ZNF460: variants seen among roughly 807,000 people sequenced by gnomAD.
The protein encoded by ZNF460 is zinc finger protein 460.
A neutral mutation model predicts 8.4 loss-of-function variants in ZNF460; 1 was observed. That is an observed-to-expected ratio of 0.12 (90% confidence interval 0.04 to 0.56). The LOEUF is 0.56. Ranked by LOEUF, ZNF460 falls within the 20% of genes least tolerant of loss-of-function variation. The probability of loss-of-function intolerance (pLI) is 0.91; values close to 1 mark genes in which losing one functional copy is unlikely to be tolerated. For missense variants in ZNF460, 477 were observed against 714.8 expected (o/e 0.67, Z 3.79); for synonymous variants, 262 against 259.9 (o/e 1.01, Z -0.08).
At chr19:57,283,319 A>G (rs1200338092) in intron 1 of ZNF460, among the ~76,000 whole-genome samples, 3 of 150,962 alleles carry the variant, frequency 2.0e-5, no homozygotes, top group Non-Finnish European at 4.4e-5. Flanking sequence ...ACAGGCACAC[A>G]CTACCACACC....
chr19:57,290,204 G>C (rs899907536), intron 2 of ZNF460, among the ~76,000 whole-genome samples: 2 of 152,172 alleles, frequency 1.3e-5, no homozygotes, highest in East Asian at 3.9e-4. Flanking sequence ...TACCTTGGAA[G>C]CTGAGGTGGG....
rs2087916864 is a variant in ZNF460, at chr19:57,291,372, G to A, written c.831G>A (p.Glu277=). The part of the protein sequence containing the change: ...LTRHQRVHSG[E]KPFVCNECGK... ...GGCACCAGCGGGTTCACAGTGGAGA[G>A]AAGCCTTTTGTGTGCAATGAATGTG... The change falls in exon 3 of 3, where the codon GAG becomes GAA. Residue 277 remains glutamate (E), a synonymous_variant. Coordinates refer to ENST00000360338, the MANE Select transcript of ZNF460 (RefSeq NM_006635.4). This position sits in a 1 kb window ranked among gnomAD's most constrained non-coding sequence, Gnocchi z 8.4. The A allele has an allele frequency of 1.2e-5, 19 of 1,614,018 alleles. No individual in the cohort carries two copies. The highest frequency in any genetic ancestry group is 1.6e-5 in the Non-Finnish European group (19 of 1,179,994).
chr19:57,290,747 C>A lies in ZNF460; in HGVS notation c.206C>A (p.Ala69Asp). ...GTAGAGCCTATCCCTTCTCATCTGG[C>A]CTTGCCTGAGGAAGTCTCACTCCAG... ...ETVEPIPSHL[A>D]LPEEVSLQEQ... Residue 69 changes from alanine to aspartate, a missense_variant, in exon 3 of 3, where the codon GCC becomes GAC. Ala to Asp is a moderately radical substitution (Grantham distance 126). Coordinates refer to ENST00000360338, the MANE Select transcript of ZNF460 (RefSeq NM_006635.4). 1 of 1,614,210 alleles carries A rather than the reference C, an allele frequency of 6.2e-7. No homozygotes were observed. Among genetic ancestry groups the A allele is most frequent in the South Asian group, 1.1e-5 (1 of 91,092 alleles).
intron 2 of ZNF460, among the ~76,000 whole-genome samples, chr19:57,288,485 G>A (rs775939194): frequency 2.6e-5 from 4 of 152,134 alleles, no homozygotes; most frequent in Non-Finnish European, 4.4e-5. Flanking sequence ...ATGAGCCACC[G>A]TGCCCAGCCA....
chr19:57,290,624 G>A, intron 2 of ZNF460, 75 bp from the exon 3 acceptor site: 1 of 1,356,308 alleles, frequency 7.4e-7, no homozygotes, highest in East Asian at 2.3e-5. Flanking sequence ...TCATCTTATT[G>A]TTCTCACCAA....
chr19:57,282,331 C>A (rs184976105), intron 1 of ZNF460, among the ~76,000 whole-genome samples: 3 of 152,182 alleles, frequency 2.0e-5, no homozygotes, highest in Non-Finnish European at 4.4e-5. Flanking sequence ...CCCATATTGT[C>A]TTGGCTACAA....
chr19:57,283,035 A>AC (rs960261482), intron 1 of ZNF460, among the ~76,000 whole-genome samples: 1 of 151,476 alleles, frequency 6.6e-6, no homozygotes, highest in African/African-American at 2.4e-5. Context: ...CTTTGGGTAG[A>AC]CTGGTAGAGC....
rs1365523335 is a variant in ZNF460 at position 57,280,702 on chromosome 19, A to AT, written c.-98dup. ...ACGCTGCGCCTTGGGCCTTGTGCGC[A>AT]TTTTTTTCGGGGGAAAACTGAGGCT... On this transcript the variant is annotated 5_prime_UTR_variant, in exon 1 of 3. Coordinates refer to ENST00000360338, the MANE Select transcript of ZNF460 (RefSeq NM_006635.4). 1.0e-5 allele frequency: 16 copies of AT among 1,526,730 alleles called. No homozygotes were observed. Among genetic ancestry groups the AT allele is most frequent in the Non-Finnish European group, 1.2e-5 (14 of 1,123,710 alleles). 94.6% of individuals were successfully genotyped at this position (1,526,730 alleles called of 1,614,324 possible). A position where few individuals can be genotyped will look rare whatever the true frequency, so the allele number is the denominator to read the frequency against.
Position 57,280,600 on chromosome 19 carries a change from T to G in ZNF460, c.-207T>G. The G allele has an allele frequency of 4.8e-6, 3 of 627,648 alleles. No individual in the cohort carries two copies. The South Asian group carries it at 5.9e-5, about 12-fold the overall frequency. 38.9% of individuals were successfully genotyped at this position (627,648 alleles called of 1,614,324 possible). On this transcript the variant is annotated 5_prime_UTR_variant, in exon 1 of 3. Coordinates refer to ENST00000360338, the MANE Select transcript of ZNF460 (RefSeq NM_006635.4). ...CTTGGCGGGAGCCTGACGCCCCGCT[T>G]CTCCCCTAACGAGGTGTCCCACCGG...
At position 57,292,258 on chromosome 19, in the gene ZNF460, C is replaced by T. The variant is rs1165003524; in HGVS notation, c.*28C>T. On this transcript the variant is annotated 3_prime_UTR_variant, in exon 3 of 3. Coordinates refer to ENST00000360338, the MANE Select transcript of ZNF460 (RefSeq NM_006635.4). ...GATGTGGAAAGACTTTTTACGTACACTTCAGTCAACATCCAAGAATTCCTA... is the reference window on the plus strand; with the variant it reads ...GATGTGGAAAGACTTTTTACGTACATTTCAGTCAACATCCAAGAATTCCTA... 46 of 1,565,846 alleles carry T rather than the reference C, an allele frequency of 2.9e-5. No homozygotes were observed. Among genetic ancestry groups the T allele is most frequent in the Non-Finnish European group, 4.0e-5 (46 of 1,152,630 alleles).
intron 1 of ZNF460, among the ~76,000 whole-genome samples, chr19:57,282,820 T>A (rs761409949): frequency 6.6e-6 from 1 of 151,878 alleles, no homozygotes; most frequent in Non-Finnish European, 1.5e-5. Context: ...GAAAACCCTG[T>A]CTCTACAAAA....
rs140494151 is a variant in ZNF460 at position 57,290,593 on chromosome 19, A to C, written c.158-106A>C. 6.8e-4 allele frequency: 777 copies of C among 1,142,144 alleles called. 6 individuals are homozygous for C. The African/African-American group carries it at 0.011, about 16-fold the overall frequency. The allele number at this position is 1,142,144 out of a possible 1,614,324, so 70.8% of individuals were successfully genotyped here. On this transcript the variant is annotated intron_variant, in intron 2 of 2. Coordinates refer to ENST00000360338, the MANE Select transcript of ZNF460 (RefSeq NM_006635.4). ...GTACCCAGCCCATCAAATCATAGCT[A>C]TTTTCAAATCATCACTATTTTCATC...
At position 57,292,386 on chromosome 19, in the gene ZNF460, C is replaced by A; in HGVS notation, c.*156C>A. ...TACTGAAGAGAAACTCCATAAGTAT[C>A]ATCTCTGTGGGAAAACCTGTTTTAG... is the stretch of plus-strand genomic sequence containing the variant. On this transcript the variant is annotated 3_prime_UTR_variant, in exon 3 of 3. Coordinates refer to ENST00000360338, the MANE Select transcript of ZNF460 (RefSeq NM_006635.4). 1.3e-6 allele frequency: 1 copy of A among 769,292 alleles called. No individual in the cohort carries two copies. Among genetic ancestry groups the A allele is most frequent in the Non-Finnish European group, 2.1e-6 (1 of 480,040 alleles). 47.7% of individuals were successfully genotyped at this position (769,292 alleles called of 1,614,324 possible).
At chr19:57,282,978 G>A (rs1265222105) in intron 1 of ZNF460, among the ~76,000 whole-genome samples, 1 of 150,406 alleles carries the variant, frequency 6.6e-6, no homozygotes, top group Non-Finnish European at 1.5e-5. Context: ...GTGACAGAGT[G>A]AGACCATCTA....
Position 57,290,943 on chromosome 19 carries a change from T to C in ZNF460, c.402T>C (p.Gly134=). 1 of 1,614,252 alleles carries C rather than the reference T, an allele frequency of 6.2e-7. No individual in the cohort carries two copies. The highest frequency in any genetic ancestry group is 8.5e-7 in the Non-Finnish European group (1 of 1,180,054). ...LEHEGLATAD[G]ICSMMIQNQV... Reference sequence around the variant, plus strand: ...ACGAAGGTTTGGCGACAGCTGATGGTATTTGTTCAATGATGATACAGAACC... The same window carrying C: ...ACGAAGGTTTGGCGACAGCTGATGGCATTTGTTCAATGATGATACAGAACC... The change falls in exon 3 of 3, where the codon GGT becomes GGC. Residue 134 remains glycine (G), a synonymous_variant. Coordinates refer to ENST00000360338, the MANE Select transcript of ZNF460 (RefSeq NM_006635.4).
chr19:57,289,218 G>A (rs558140557), intron 2 of ZNF460, among the ~76,000 whole-genome samples: 2 of 152,154 alleles, frequency 1.3e-5, no homozygotes, highest in East Asian at 3.9e-4. Context: ...GATTCTATAT[G>A]TCTACCAGGA....
chr19:57,282,530 G>A (rs896892032), intron 1 of ZNF460, among the ~76,000 whole-genome samples: 1 of 152,220 alleles, frequency 6.6e-6, no homozygotes, highest in African/African-American at 2.4e-5. Context: ...GGTGGATGAT[G>A]ATGACTACAC....
rs150079789 is a variant in ZNF460, at chr19:57,284,670, C to T, written c.150C>T (p.Val50=). 8.0e-5 allele frequency: 129 copies of T among 1,609,882 alleles called. No individual in the cohort carries two copies. The highest frequency in any genetic ancestry group is 4.5e-5 in the East Asian group (2 of 44,622). ...EVMLETCGLL[V]ALGDSTKPET... ...TGCTGGAGACCTGTGGGCTTCTGGTCGCACTGGGTAAGGCCTGTCCTCTCC... is the reference window on the plus strand; with the variant it reads ...TGCTGGAGACCTGTGGGCTTCTGGTTGCACTGGGTAAGGCCTGTCCTCTCC... The change falls in exon 2 of 3, where the codon GTC becomes GTT. Residue 50 remains valine, a synonymous_variant. Coordinates refer to ENST00000360338, the MANE Select transcript of ZNF460 (RefSeq NM_006635.4).
In ZNF460 at chr19:57,292,722, G is replaced by A. The variant is rs2087927836; in HGVS notation, c.*492G>A. 1 of 159,778 alleles carries A rather than the reference G, an allele frequency of 6.3e-6. No homozygotes were observed. The highest frequency in any genetic ancestry group is 1.8e-4 in the East Asian group (1 of 5,450). 9.9% of individuals were successfully genotyped at this position (159,778 alleles called of 1,614,324 possible). On this transcript the variant is annotated 3_prime_UTR_variant, in exon 3 of 3. Coordinates refer to ENST00000360338, the MANE Select transcript of ZNF460 (RefSeq NM_006635.4). ...AGGGAAATGTTTCAGAAACAAAAGG[G>A]CCTCATCCCCTTTATTTTCCCTGTG...
Sources: gnomAD v4.1 joint callset for allele counts (sites outside exome capture counted in the v4.1 genomes callset) on GRCh38, gnomAD v4.1.1 for gene constraint, Gnocchi (gnomAD v3.1) non-coding constraint, MANE v1.5 for transcripts, NCBI Gene and HGNC (gene_info 2026-07-23, HGNC 2026-07-21) for gene names.